GRK3: variants seen among roughly 807,000 people sequenced by gnomAD.
GRK3 encodes G protein-coupled receptor kinase 3, also known as adrenergic, beta, receptor kinase 2.
Under a neutral mutation model 95.7 loss-of-function variants are expected in GRK3, and 54 were observed. The observed-to-expected ratio is 0.56, with a 90% CI of 0.45 to 0.71. The LOEUF is 0.71. Ranked by LOEUF, GRK3 falls within the 30% of genes least tolerant of loss-of-function variation. The pLI is 0.00. For missense variants in GRK3, 649 were observed against 851.2 expected (o/e 0.76, Z 2.96); for synonymous variants, 281 against 290.8 (o/e 0.97, Z 0.34).
intron 2 of GRK3, among the ~76,000 whole-genome samples, chr22:25,612,850 T>TAA (rs529309150): frequency 7.3e-6 from 1 of 136,088 alleles, no homozygotes. Flanking sequence ...CTCTAAAAGT[T>TAA]AAAAAAAAAA....
chr22:25,653,306 A>C (rs757463041), intron 3 of GRK3, among the ~76,000 whole-genome samples: 12 of 152,206 alleles, frequency 7.9e-5, no homozygotes, highest in Non-Finnish European at 1.2e-4. Context: ...CTTACAAGAG[A>C]TATAAACACA....
chr22:25,602,601 C>T (rs1360037945), intron 1 of GRK3, among the ~76,000 whole-genome samples: 1 of 152,164 alleles, frequency 6.6e-6, no homozygotes, highest in Non-Finnish European at 1.5e-5. Context: ...GTGGAATATT[C>T]ATACAATGGC....
At chr22:25,609,539 C>T (rs926386151) in intron 2 of GRK3, among the ~76,000 whole-genome samples, 1 of 152,004 alleles carries the variant, frequency 6.6e-6, no homozygotes, top group Non-Finnish European at 1.5e-5. Flanking sequence ...GCCACGTTGG[C>T]CAGGCTGGTC....
chr22:25,661,584 A>G lies in GRK3; in HGVS notation c.273A>G (p.Glu91=). The G allele has an allele frequency of 1.2e-6, 2 of 1,607,004 alleles. No homozygotes were observed. Among genetic ancestry groups the G allele is most frequent in the Non-Finnish European group, 1.7e-6 (2 of 1,174,530 alleles). The part of the protein sequence containing the change: ...PQVKFYEEIK[E]YEKLDNEEDR... ...AACTTTAAAAAACCTAGATAAAGGA[A>G]TATGAAAAACTTGATAATGAGGAAG... is the stretch of plus-strand genomic sequence containing the variant. The change falls in exon 4 of 21, where the codon GAA becomes GAG. Residue 91 remains glutamate (E), a synonymous_variant. Transcript: ENST00000324198.
intron 19 of GRK3, among the ~76,000 whole-genome samples, chr22:25,720,405 A>C (rs937280311): frequency 2.0e-5 from 3 of 151,318 alleles, no homozygotes; most frequent in South Asian, 2.1e-4. Flanking sequence ...TAAAACAAAA[A>C]CCGTAAGACG....
At chr22:25,697,791 G>T (rs966539084) in intron 13 of GRK3, among the ~76,000 whole-genome samples, 1 of 152,188 alleles carries the variant, frequency 6.6e-6, no homozygotes, top group Admixed American at 6.5e-5. Flanking sequence ...TCACTGTCTG[G>T]TGACCATCGA....
chr22:25,622,296 G>T (rs1239612601), intron 2 of GRK3, among the ~76,000 whole-genome samples: 1 of 152,210 alleles, frequency 6.6e-6, no homozygotes, highest in Admixed American at 6.5e-5. Context: ...CACTGACCTT[G>T]GGCGGGATGC....
At chr22:25,628,372 C>T (rs2084642177) in intron 2 of GRK3, among the ~76,000 whole-genome samples, 1 of 152,178 alleles carries the variant, frequency 6.6e-6, no homozygotes, top group Admixed American at 6.5e-5. Context: ...TGCAAGTGTA[C>T]TGAATACATG....
At chr22:25,566,746 C>CA (rs137967184) in intron 1 of GRK3, among the ~76,000 whole-genome samples, 20 of 152,128 alleles carry the variant, frequency 1.3e-4, no homozygotes, top group African/African-American at 4.8e-4. Context: ...TAAATTTCAC[C>CA]AAAAAAACTG....
chr22:25,642,140 TA>T, intron 2 of GRK3, among the ~76,000 whole-genome samples: 1 of 152,234 alleles, frequency 6.6e-6, no homozygotes, highest in East Asian at 1.9e-4. Context: ...ATGGATAGAA[TA>T]AATAGACAGA....
intron 11 of GRK3, among the ~76,000 whole-genome samples, chr22:25,689,586 C>T (rs1340460653): frequency 6.6e-6 from 1 of 152,162 alleles, no homozygotes; most frequent in Admixed American, 6.5e-5. Context: ...ATCTAATCTT[C>T]ATGGATACAT....
intron 2 of GRK3, among the ~76,000 whole-genome samples, chr22:25,623,814 TTTAA>T (rs1486884145): frequency 6.6e-6 from 1 of 152,186 alleles, no homozygotes; most frequent in East Asian, 1.9e-4. Flanking sequence ...CCACAGCCAC[TTTAA>T]TTATGCCATT....
chr22:25,663,063 C>A (rs11913984), intron 4 of GRK3, among the ~76,000 whole-genome samples: 1 of 151,910 alleles, frequency 6.6e-6, no homozygotes, highest in African/African-American at 2.4e-5. Flanking sequence ...GAAATTTTAT[C>A]TTTTTACAAC....
In GRK3 at chr22:25,711,833, T is replaced by G. The variant is rs117936889; in HGVS notation, c.1491+670T>G. Among the ~76,000 whole-genome samples the G allele has an allele frequency of 4.2e-3, 636 of 152,208 alleles. 11 individuals are homozygous for G. The highest frequency in any genetic ancestry group is 0.031 in the Middle Eastern group (9 of 294). On this transcript the variant is annotated intron_variant, in intron 17 of 20. Transcript: ENST00000324198. ...CCTGTTTCTTCTCAGCTGCCCCCAT[T>G]TACACCCTTCTGACACAAACCCGCG...
chr22:25,698,362 T>G (rs1262990121), intron 13 of GRK3, among the ~76,000 whole-genome samples: 1 of 152,158 alleles, frequency 6.6e-6, no homozygotes, highest in Non-Finnish European at 1.5e-5. Context: ...AGAGTAGCTA[T>G]TGATATACAC....
chr22:25,610,473 C>T (rs2084488325), intron 2 of GRK3, among the ~76,000 whole-genome samples: 1 of 152,146 alleles, frequency 6.6e-6, no homozygotes, highest in Non-Finnish European at 1.5e-5. Context: ...TCTCAAAAAA[C>T]AACTCTCAAA....
chr22:25,619,624 C>T (rs738346), intron 2 of GRK3, among the ~76,000 whole-genome samples: 3,387 of 150,088 alleles, frequency 0.023, 61 homozygotes, highest in Middle Eastern at 0.067. Context: ...GCTAGGACTA[C>T]AGGTGCACAC....
chr22:25,632,989 C>T (rs1335774070), intron 2 of GRK3, among the ~76,000 whole-genome samples: 1 of 152,128 alleles, frequency 6.6e-6, no homozygotes, highest in Admixed American at 6.5e-5. Flanking sequence ...TGGCTCACTG[C>T]AACCTCTGCC....
rs755683871 is a variant in GRK3, at chr22:25,711,102, T to C, written c.1430T>C (p.Val477Ala). Residue 477 changes from valine to alanine, a missense_variant, in exon 17 of 21, where the codon GTC becomes GCC. Physicochemically the swap from Val to Ala is moderately conservative, Grantham distance 64. Around this residue, in one of 3 missense-constraint regions of GRK3, gnomAD observed 382 missense variants for 493.8 expected, o/e 0.77. Coordinates refer to ENST00000324198, the MANE Select transcript of GRK3 (RefSeq NM_005160.4). ...PPPLIPPRGE[V>A]NAADAFDIGS... ...CCCTTGATTCCTCCCCGGGGAGAAG[T>C]CAATGCTGCTGATGCCTTTGATATT... The C allele has an allele frequency of 1.2e-6, 2 of 1,613,746 alleles. No homozygotes were observed. Among genetic ancestry groups the C allele is most frequent in the African/African-American group, 2.7e-5 (2 of 74,914 alleles).
Sources: allele counts gnomAD v4.1 joint callset (sites outside exome capture counted in the v4.1 genomes callset), GRCh38; gene constraint gnomAD v4.1.1; regional missense constraint gnomAD v4.1.1; transcripts MANE v1.5; gene names NCBI Gene and HGNC (gene_info 2026-07-23, HGNC 2026-07-21).